The following EVI2B variants were observed in gnomAD, a reference collection of about 807,000 sequenced individuals.
The protein encoded by EVI2B is protein EVI2B.
A neutral mutation model predicts 6.6 loss-of-function variants in EVI2B; 4 were observed. The ratio of observed to expected loss-of-function variants is 0.61; its 90% CI spans 0.30 to 1.39. The LOEUF (loss-of-function observed/expected upper bound fraction) is 1.39. Among genes scored for constraint, EVI2B ranks in the 40% most tolerant of loss-of-function variants. The pLI, the probability that EVI2B is intolerant of heterozygous loss-of-function variation, is 0.08. For synonymous variants in EVI2B, 181 were observed against 186.8 expected (o/e 0.97, Z 0.25); for missense variants, 484 against 516.6 (o/e 0.94, Z 0.61).
chr17:31,309,253 G>A (rs2151514672), intron 1 of EVI2B, among the ~76,000 whole-genome samples: 1 of 152,218 alleles, frequency 6.6e-6, no homozygotes, highest in African/African-American at 2.4e-5. Context: ...TATATATTAG[G>A]AGCACAGTAA....
chr17:31,304,155 G>A lies in EVI2B; in HGVS notation c.*108C>T. The A allele has an allele frequency of 1.7e-6, 2 of 1,156,772 alleles. No individual in the cohort carries two copies. Among genetic ancestry groups the A allele is most frequent in the South Asian group, 3.3e-5 (2 of 61,512 alleles). 71.7% of individuals were successfully genotyped at this position (1,156,772 alleles called of 1,614,324 possible). ...TCTGAGCAGATTTCAGATAGTTCCT[G>A]AATAAAAATCAAAATTGACTATCAG... On this transcript the variant is annotated 3_prime_UTR_variant, in exon 2 of 2. Transcript: ENST00000330927.
At chr17:31,313,722 ATGTGTGTGTGTG>A (rs60267436) in intron 1 of EVI2B, among the ~76,000 whole-genome samples, 29 of 139,048 alleles carry the variant, frequency 2.1e-4, no homozygotes, top group African/African-American at 2.5e-4. Flanking sequence ...AAAAAAAAAT[ATGTGTGTGTGTG>A]TGTGTGTGTG....
chr17:31,307,787 G>T, intron 1 of EVI2B: 1 of 752,000 alleles, frequency 1.3e-6, no homozygotes, highest in Non-Finnish European at 2.0e-6. Context: ...TTAGATATTG[G>T]TATACATGAT....
intron 1 of EVI2B, among the ~76,000 whole-genome samples, chr17:31,309,821 A>G (rs1236277026): frequency 6.6e-6 from 1 of 152,176 alleles, no homozygotes; most frequent in Non-Finnish European, 1.5e-5. Flanking sequence ...CCCTCCATGT[A>G]TGAGATTTTC....
chr17:31,305,008 T>C lies in EVI2B; in HGVS notation c.602A>G (p.Asn201Ser). The C allele has an allele frequency of 6.2e-7, 1 of 1,614,178 alleles. No individual in the cohort carries two copies. Among genetic ancestry groups the C allele is most frequent in the African/African-American group, 1.3e-5 (1 of 75,030 alleles). ...ACCAATTAGTATGGCAGCTATTGAA[T>C]TATAATTGTTTTTTTGTGGGGTTTG... ...NKQTPQKNNY[N>S]SIAAILIGVL... The change falls in exon 2 of 2, where the codon AAT (asparagine) becomes AGT (serine). Residue 201 changes from asparagine to serine, a missense_variant. Transcript: ENST00000330927.
Position 31,304,093 on chromosome 17 carries a change from C to G in EVI2B, c.*170G>C. On this transcript the variant is annotated 3_prime_UTR_variant, in exon 2 of 2. Transcript: ENST00000330927. Reference sequence around the variant, plus strand: ...TAGTAAATAGATTACTGTTAAATAACTTTTTTTAAAAAAAAGTTTCATCTA... The same window carrying G: ...TAGTAAATAGATTACTGTTAAATAAGTTTTTTTAAAAAAAAGTTTCATCTA... The G allele has an allele frequency of 1.7e-6, 1 of 578,516 alleles. No individual in the cohort carries two copies. The highest frequency in any genetic ancestry group is 2.9e-6 in the Non-Finnish European group (1 of 343,898). The allele number at this position is 578,516 out of a possible 1,614,324, so 35.8% of individuals were successfully genotyped here. A position where few individuals can be genotyped will look rare whatever the true frequency, so the allele number is the denominator to read the frequency against.
intron 1 of EVI2B, among the ~76,000 whole-genome samples, chr17:31,306,719 A>G (rs1028068203): frequency 1.3e-5 from 2 of 152,096 alleles, no homozygotes; most frequent in African/African-American, 4.8e-5. Flanking sequence ...CAGTTGGTCA[A>G]GTAGTCCTGC....
chr17:31,309,916 C>T (rs2068822869), intron 1 of EVI2B, among the ~76,000 whole-genome samples: 1 of 152,170 alleles, frequency 6.6e-6, no homozygotes, highest in South Asian at 2.1e-4. Context: ...CTTCAGTTAG[C>T]TTTTTATCCT....
In EVI2B at chr17:31,304,290, C is replaced by G; in HGVS notation, c.1320G>C (p.Leu440=). 6.2e-7 allele frequency: 1 copy of G among 1,611,970 alleles called. No homozygotes were observed. The highest frequency in any genetic ancestry group is 2.2e-5 in the East Asian group (1 of 44,864). ...ATAACAGTTCTGCAGGTGGAGGTGG[C>G]AGGGATTCATTAAGATCTTGATCAG... The part of the protein sequence containing the change: ...PNSDQDLNES[L]PPPPAELL The change falls in exon 2 of 2, where the codon CTG becomes CTC. Residue 440 remains leucine (L), a synonymous_variant. Coordinates refer to ENST00000330927, the MANE Select transcript of EVI2B (RefSeq NM_006495.4).
intron 1 of EVI2B, among the ~76,000 whole-genome samples, chr17:31,309,642 T>G (rs1356121336): frequency 6.6e-6 from 1 of 152,232 alleles, no homozygotes; most frequent in Non-Finnish European, 1.5e-5. Context: ...TCCTCTTTTG[T>G]GACTTTGCTT....
rs151096117 is a variant in EVI2B, at chr17:31,305,421, G to A, written c.189C>T (p.Ser63=). The A allele has an allele frequency of 6.2e-4, 1,003 of 1,614,140 alleles. 7 individuals are homozygous for A. The East Asian group carries it at 6.6e-3, about 11-fold the overall frequency. ...ATATTGATTGTCCAGAAAAAGTGTC[G>A]CTGAATTGTGTTGGTTGACCCAAAG... ...GNPLGQPTQF[S]DTFSGQSISP... is the part of the protein sequence containing the mutation. The change falls in exon 2 of 2, where the codon AGC becomes AGT. Residue 63 remains serine, a synonymous_variant. Transcript: ENST00000330927.
chr17:31,304,448 T>A lies in EVI2B; in HGVS notation c.1162A>T (p.Lys388Ter). 6.2e-7 allele frequency: 1 copy of A among 1,614,208 alleles called. No homozygotes were observed. Among genetic ancestry groups the A allele is most frequent in the Non-Finnish European group, 8.5e-7 (1 of 1,180,022 alleles). ...GGAAATGATTGTATTATCTCAGATTTATGATCTCCACAGTCTTGATTGAGA... is the reference window on the plus strand; with the variant it reads ...GGAAATGATTGTATTATCTCAGATTAATGATCTCCACAGTCTTGATTGAGA... ...DCLNQDCGDH[K>*]SEIIQSFPPL... The change falls in exon 2 of 2, where the codon AAA becomes TAA. Residue 388 changes from lysine (K) to a stop codon, truncating the protein, a stop_gained. Transcript: ENST00000330927. LOFTEE classifies it high-confidence loss of function.
intron 1 of EVI2B, among the ~76,000 whole-genome samples, chr17:31,311,699 G>A (rs2068881253): frequency 6.6e-6 from 1 of 152,150 alleles, no homozygotes; most frequent in Non-Finnish European, 1.5e-5. Context: ...TACAGATAAG[G>A]AAACTGAGAC....
At chr17:31,308,222 C>T (rs1409317795) in intron 1 of EVI2B, among the ~76,000 whole-genome samples, 1 of 151,932 alleles carries the variant, frequency 6.6e-6, no homozygotes, top group Non-Finnish European at 1.5e-5. Context: ...GCTGCAACCT[C>T]TACATCCTGG....
rs1303433096 is a variant in EVI2B, at chr17:31,313,963, G to A, written c.-22+16C>T. On this transcript the variant is annotated intron_variant, in intron 1 of 1. Transcript: ENST00000330927. Reference sequence around the variant, plus strand: ...ATAAAGCAAGATCAAACCAAATTGTGTGAAAATTTTCTTACCTCAGCTGTT... The same window carrying A: ...ATAAAGCAAGATCAAACCAAATTGTATGAAAATTTTCTTACCTCAGCTGTT... 1 of 397,930 alleles carries A rather than the reference G, an allele frequency of 2.5e-6. No individual in the cohort carries two copies. Among genetic ancestry groups the A allele is most frequent in the Non-Finnish European group, 4.4e-6 (1 of 225,746 alleles). 24.6% of individuals were successfully genotyped at this position (397,930 alleles called of 1,614,324 possible).
intron 1 of EVI2B, among the ~76,000 whole-genome samples, chr17:31,306,094 C>A (rs909480552): frequency 2.6e-5 from 4 of 151,914 alleles, no homozygotes; most frequent in Admixed American, 6.6e-5. Context: ...TTCTTTATTT[C>A]TTCTCTCCCC....
chr17:31,313,812 A>G (rs1306857533), intron 1 of EVI2B, among the ~76,000 whole-genome samples, 167 bp downstream of exon 1: 1 of 151,954 alleles, frequency 6.6e-6, no homozygotes. Context: ...ATATTTTTCT[A>G]AGGCAAGCTG....
chr17:31,310,183 C>A (rs917904667), intron 1 of EVI2B, among the ~76,000 whole-genome samples: 1 of 151,462 alleles, frequency 6.6e-6, no homozygotes, highest in Non-Finnish European at 1.5e-5. Flanking sequence ...AGGTAAAGAA[C>A]AATATTGGGC....
At chr17:31,311,050 G>A (rs1018488776) in intron 1 of EVI2B, among the ~76,000 whole-genome samples, 8 of 150,666 alleles carry the variant, frequency 5.3e-5, no homozygotes, top group African/African-American at 1.7e-4. Context: ...GGGCTCAAGC[G>A]ATCCTCCTCA....
Sources: allele counts gnomAD v4.1 joint callset (sites outside exome capture counted in the v4.1 genomes callset), GRCh38; gene constraint gnomAD v4.1.1; transcripts MANE v1.5; gene names NCBI Gene and HGNC (gene_info 2026-07-23, HGNC 2026-07-21).